The following SLC5A4 variants were observed in gnomAD, a reference collection of about 807,000 sequenced individuals.
SLC5A4 encodes probable glucose sensor protein SLC5A4.
A neutral mutation model predicts 70.3 loss-of-function variants in SLC5A4; 55 were observed. That is an observed-to-expected ratio of 0.78 (90% CI 0.63 to 0.98). SLC5A4 has a LOEUF of 0.98. SLC5A4 is among the 50% of genes least tolerant of loss of function. SLC5A4 has a pLI of 0.00. For missense variants in SLC5A4, 735 were observed against 839.2 expected, an observed-to-expected ratio of 0.88 and a Z score of 1.53; for synonymous variants, 268 against 305.7, an observed-to-expected ratio of 0.88 and a Z score of 1.29.
Position 32,233,005 on chromosome 22 carries a change from C to T in SLC5A4, c.915G>A (p.Lys305=), listed in dbSNP as rs765184089. The change falls in exon 9 of 15, where the codon AAG becomes AAA. Residue 305 remains lysine (K), a synonymous_variant. Transcript: ENST00000266086. ...AAGCGGCCTTCACGTGAGACATGTCCTTGCCACACAGGCAGCGCTGCACAA... is the reference window on the plus strand; with the variant it reads ...AAGCGGCCTTCACGTGAGACATGTCTTTGCCACACAGGCAGCGCTGCACAA... The part of the protein sequence containing the change: ...QVIVQRCLCG[K]DMSHVKAACI... 1.9e-6 allele frequency: 3 copies of T among 1,614,090 alleles called. No homozygotes were observed. The Admixed American group carries it at 5.0e-5, about 27-fold the overall frequency.
chr22:32,305,392 T>C, the SLC5A4 span, among the ~76,000 whole-genome samples: 1 of 137,014 alleles, frequency 7.3e-6, no homozygotes, highest in Non-Finnish European at 1.6e-5. Flanking sequence ...GATCTCTGAT[T>C]GTGTGCCAGG....
chr22:32,258,167 T>G (rs1441450605), upstream of SLC5A4, among the ~76,000 whole-genome samples: 2 of 151,936 alleles, frequency 1.3e-5, no homozygotes, highest in Non-Finnish European at 2.9e-5. Context: ...TTTTGTATTT[T>G]TAGTGGAGAT....
chr22:32,350,384 C>T, the SLC5A4 span, among the ~76,000 whole-genome samples: 1 of 152,210 alleles, frequency 6.6e-6, no homozygotes, highest in African/African-American at 2.4e-5. Flanking sequence ...GTCACTGATG[C>T]ACTTGGTATG....
chr22:32,333,655 G>A, the SLC5A4 span, among the ~76,000 whole-genome samples: 4 of 151,996 alleles, frequency 2.6e-5, no homozygotes, highest in Admixed American at 2.6e-4. Flanking sequence ...CATGCATTCT[G>A]CATTCCTGGC....
At chr22:32,262,822 T>A in the SLC5A4 span, among the ~76,000 whole-genome samples, 1 of 152,104 alleles carries the variant, frequency 6.6e-6, no homozygotes, top group East Asian at 1.9e-4. Flanking sequence ...CAGGCTGGAG[T>A]GCAGTGGCGT....
intron 1 of SLC5A4, 151 bp downstream of exon 1, chr22:32,255,044 G>A: frequency 1.3e-6 from 1 of 769,344 alleles, no homozygotes; most frequent in Non-Finnish European, 2.2e-6. Context: ...TTAGTTCATT[G>A]TAAGCGTTAT....
the SLC5A4 span, among the ~76,000 whole-genome samples, chr22:32,351,737 T>TGGGGGGGG: frequency 3.8e-4 from 1 of 2,636 alleles, no homozygotes; most frequent in Non-Finnish European, 6.5e-4. Context: ...GTGGGGGCGG[T>TGGGGGGGG]GGGGGGAGGG....
At chr22:32,311,885 T>C in the SLC5A4 span, among the ~76,000 whole-genome samples, 2 of 152,186 alleles carry the variant, frequency 1.3e-5, no homozygotes, top group Non-Finnish European at 2.9e-5. Context: ...GATCACGTCA[T>C]GTCCAGGGAG....
chr22:32,228,268 C>T (rs771814789), intron 11 of SLC5A4, among the ~76,000 whole-genome samples: 5 of 151,978 alleles, frequency 3.3e-5, no homozygotes, highest in African/African-American at 9.7e-5. Context: ...GCCAGGCCGG[C>T]GGTGGCTCAC....
In SLC5A4 at chr22:32,232,907, A is replaced by G; in HGVS notation, c.1013T>C (p.Leu338Pro). 3.7e-6 allele frequency: 6 copies of G among 1,613,772 alleles called. No individual in the cohort carries two copies. Among genetic ancestry groups the G allele is most frequent in the Non-Finnish European group, 5.1e-6 (6 of 1,179,848 alleles). ...ACGGATTCAGGGCTTACCTGTGTACAGGATGCGGCTGATCATCCCCGGCAT... is the reference window on the plus strand; with the variant it reads ...ACGGATTCAGGGCTTACCTGTGTACGGGATGCGGCTGATCATCCCCGGCAT... The part of the protein sequence containing the change: ...MVMPGMISRI[L>P]YTDMVACVVP... The change falls in exon 9 of 15, where the codon CTG becomes CCG. Residue 338 changes from leucine to proline, a missense_variant. Transcript: ENST00000266086.
At chr22:32,294,747 C>G in the SLC5A4 span, among the ~76,000 whole-genome samples, 115 of 139,008 alleles carry the variant, frequency 8.3e-4, 2 homozygotes, top group East Asian at 0.022. Context: ...ATGTGCCATG[C>G]TGGTGCGCTG....
intron 4 of SLC5A4, among the ~76,000 whole-genome samples, chr22:32,248,118 T>C (rs1926936268): frequency 6.6e-6 from 1 of 152,208 alleles, no homozygotes; most frequent in African/African-American, 2.4e-5. Context: ...TTTTTTTGTC[T>C]TCTGTATATT....
At chr22:32,253,224 A>T (rs1927276271) in intron 2 of SLC5A4, among the ~76,000 whole-genome samples, 1 of 152,206 alleles carries the variant, frequency 6.6e-6, no homozygotes, top group African/African-American at 2.4e-5. Flanking sequence ...GTATAATGTG[A>T]TGCTGGGCTG....
the SLC5A4 span, among the ~76,000 whole-genome samples, chr22:32,336,816 C>A: frequency 1.3e-5 from 2 of 152,274 alleles, no homozygotes; most frequent in African/African-American, 4.8e-5. Flanking sequence ...CTACACATCA[C>A]TGGACAGAGT....
At chr22:32,279,683 T>C in the SLC5A4 span, among the ~76,000 whole-genome samples, 4 of 152,166 alleles carry the variant, frequency 2.6e-5, no homozygotes. Context: ...TCCAATCACC[T>C]CTAAAGGCTC....
the SLC5A4 span, among the ~76,000 whole-genome samples, chr22:32,264,788 C>A: frequency 4.6e-5 from 7 of 152,130 alleles, no homozygotes; most frequent in Non-Finnish European, 1.0e-4. Context: ...CTGTTCCACA[C>A]TTTTTTTGTA....
At chr22:32,266,653 A>G in the SLC5A4 span, among the ~76,000 whole-genome samples, 1 of 152,212 alleles carries the variant, frequency 6.6e-6, no homozygotes, top group East Asian at 1.9e-4. Context: ...AGGGGCACTG[A>G]GCCCCCGGCA....
chr22:32,309,772 T>C, the SLC5A4 span, among the ~76,000 whole-genome samples: 1 of 151,930 alleles, frequency 6.6e-6, no homozygotes, highest in Admixed American at 6.6e-5. Flanking sequence ...CCTCACACAT[T>C]TGACAGATAA....
In SLC5A4 at chr22:32,247,484, C is replaced by T. The variant is rs187066322; in HGVS notation, c.404G>A (p.Arg135Gln). ...VMTMPEYLKK[R>Q]FGGERLQVYL... Reference sequence around the variant, plus strand: ...GACCTGGAGTCGCTCCCCACCAAACCGCTTCTTGAGATATTCCGGCATGGT... The same window carrying T: ...GACCTGGAGTCGCTCCCCACCAAACTGCTTCTTGAGATATTCCGGCATGGT... Residue 135 changes from arginine (R) to glutamine (Q), a missense_variant, in exon 5 of 15, where the codon CGG becomes CAG. Coordinates refer to ENST00000266086, the MANE Select transcript of SLC5A4 (RefSeq NM_014227.3). 6.2e-6 allele frequency: 10 copies of T among 1,613,724 alleles called. No individual in the cohort carries two copies. The East Asian group carries it at 6.7e-5, about 11-fold the overall frequency.
Sources: gnomAD v4.1 joint callset for allele counts (sites outside exome capture counted in the v4.1 genomes callset) on GRCh38, gnomAD v4.1.1 for gene constraint, MANE v1.5 for transcripts, NCBI Gene and HGNC (gene_info 2026-07-23, HGNC 2026-07-21) for gene names.